PCSK9: variants seen among roughly 807,000 people sequenced by gnomAD.
The protein encoded by PCSK9 is convertase subtilisin/kexin type 9 preproprotein.
Under a neutral mutation model 62.1 loss-of-function variants are expected in PCSK9, and 57 were observed. That is an observed-to-expected ratio of 0.92 (90% confidence interval 0.74 to 1.14). PCSK9 has a LOEUF of 1.14. Ranked by LOEUF, PCSK9 falls within the 50% of genes most tolerant of loss-of-function variation. The pLI, the probability that PCSK9 is intolerant of heterozygous loss-of-function variation, is 0.00. For missense variants in PCSK9, 870 were observed against 959.8 expected (o/e 0.91, Z 1.24); for synonymous variants, 387 against 409.4 (o/e 0.95, Z 0.66).
intron 2 of PCSK9, among the ~76,000 whole-genome samples, chr1:55,046,148 C>T (rs778956646): frequency 6.6e-6 from 1 of 152,182 alleles, no homozygotes; most frequent in Non-Finnish European, 1.5e-5. Context: ...GGGGACAAAC[C>T]GAATTGCCAG....
chr1:55,048,309 CT>C (rs1382435266), intron 3 of PCSK9, among the ~76,000 whole-genome samples: 3 of 152,206 alleles, frequency 2.0e-5, no homozygotes, highest in Admixed American at 6.5e-5. Context: ...CCAGGATGAT[CT>C]CATGTGGGGA....
intron 4 of PCSK9, 41 bp from the exon 5 acceptor site, chr1:55,052,608 AG>A (rs550947073): frequency 2.4e-5 from 38 of 1,609,856 alleles, no homozygotes; most frequent in Admixed American, 1.2e-4. Flanking sequence ...TATAGGGTGG[AG>A]GGGGGGTCTT....
At chr1:55,048,857 G>A (rs1242811945) in intron 3 of PCSK9, among the ~76,000 whole-genome samples, 1 of 152,218 alleles carries the variant, frequency 6.6e-6, no homozygotes, top group Non-Finnish European at 1.5e-5. Context: ...GCATTTCTCT[G>A]TCAGGTATTG....
chr1:55,057,268 G>T, intron 6 of PCSK9, 63 bp from the exon 7 acceptor site: 1 of 1,552,932 alleles, frequency 6.4e-7, no homozygotes. Context: ...CAAGGCCTGA[G>T]TCTGCCTCTG....
chr1:55,042,533 G>A (rs76353589), intron 1 of PCSK9, among the ~76,000 whole-genome samples: 65 of 152,288 alleles, frequency 4.3e-4, no homozygotes, highest in African/African-American at 1.5e-3. Context: ...AAGGCTTTGG[G>A]TAAAGGGGGT....
In PCSK9 at chr1:55,039,905, T is replaced by C; in HGVS notation, c.68T>C (p.Leu23Pro). 6.4e-7 allele frequency: 1 copy of C among 1,566,678 alleles called. No homozygotes were observed. The highest frequency in any genetic ancestry group is 8.6e-7 in the Non-Finnish European group (1 of 1,156,596). Reference protein sequence around the residue: ...LPLLLLLLLLLGPAGARAQED... With the variant: ...LPLLLLLLLLPGPAGARAQED... ...CTGCTGCTGCTGCTGCTGCTGCTCC[T>C]GGGTCCCGCGGGCGCCCGTGCGCAG... Residue 23 changes from leucine (L) to proline (P), a missense_variant, in exon 1 of 12, where the codon CTG becomes CCG. Transcript: ENST00000302118.
intron 3 of PCSK9, 142 bp downstream of exon 3, chr1:55,046,788 C>A: frequency 1.2e-6 from 1 of 864,888 alleles, no homozygotes; most frequent in Non-Finnish European, 1.8e-6. Flanking sequence ...TTTTTTCTGT[C>A]CCATCCCCAT....
chr1:55,059,057 T>C (rs1214526944), intron 9 of PCSK9, among the ~76,000 whole-genome samples: 1 of 152,152 alleles, frequency 6.6e-6, no homozygotes, highest in Non-Finnish European at 1.5e-5. Context: ...GTGGAATTGA[T>C]GTTGATGCTA....
intron 3 of PCSK9, 121 bp from the exon 4 acceptor site, chr1:55,052,157 A>G: frequency 7.4e-7 from 1 of 1,355,828 alleles, no homozygotes; most frequent in Non-Finnish European, 1.0e-6. Flanking sequence ...AGGTTAAACG[A>G]GTGAATATAT....
At chr1:55,056,249 GGAGGGC>G in intron 6 of PCSK9, 60 bp downstream of exon 6, 1 of 1,016,142 alleles carries the variant, frequency 9.8e-7, no homozygotes, top group Non-Finnish European at 1.3e-6. Flanking sequence ...GAGGGCGGAG[GGAGGGC>G]GGGCGGGCAG....
rs1002152564 is a variant in PCSK9, at chr1:55,063,402, A to G, written c.1897A>G (p.Thr633Ala). The G allele has an allele frequency of 6.2e-7, 1 of 1,613,856 alleles. No individual in the cohort carries two copies. The highest frequency in any genetic ancestry group is 8.5e-7 in the Non-Finnish European group (1 of 1,179,936). Residue 633 changes from threonine (T) to alanine (A), a missense_variant, in exon 12 of 12, where the codon ACT (threonine) becomes GCT (alanine). Coordinates refer to ENST00000302118, the MANE Select transcript of PCSK9 (RefSeq NM_174936.4). ...GGCCTGCGAGGAGGGCTGGACCCTG[A>G]CTGGCTGCAGTGCCCTCCCTGGGAC... is the stretch of plus-strand genomic sequence containing the variant. Reference protein sequence around the residue: ...TVACEEGWTLTGCSALPGTSH... With the variant: ...TVACEEGWTLAGCSALPGTSH...
At chr1:55,060,955 G>T (rs1423092383) in intron 10 of PCSK9, among the ~76,000 whole-genome samples, 1 of 152,160 alleles carries the variant, frequency 6.6e-6, no homozygotes, top group Non-Finnish European at 1.5e-5. Context: ...TTAGCCAATG[G>T]GTGTGTCTGA....
intron 6 of PCSK9, among the ~76,000 whole-genome samples, 160 bp downstream of exon 6, chr1:55,056,349 C>A (rs1025978929): frequency 6.6e-6 from 1 of 152,198 alleles, no homozygotes; most frequent in Admixed American, 6.5e-5. Flanking sequence ...TCGTCAGAGA[C>A]CCCCGCCATG....
Position 55,056,401 on chromosome 1 carries a change from CAG to C in PCSK9, c.996+215_996+216del, listed in dbSNP as rs72646511. ...AAGGGGCTCGAAACCTCCATCATCG[CAG>C]AGTCTGAATAGCAGTGGCCCCGCCA... On this transcript the variant is annotated intron_variant, in intron 6 of 11. Transcript: ENST00000302118. Among the ~76,000 whole-genome samples the C allele has an allele frequency of 4.0e-3, 604 of 152,280 alleles. 4 individuals carry two copies. Among genetic ancestry groups the C allele is most frequent in the African/African-American group, 0.014 (583 of 41,566 alleles).
intron 5 of PCSK9, among the ~76,000 whole-genome samples, chr1:55,053,341 C>T (rs12082241): frequency 1.2e-3 from 187 of 152,202 alleles, no homozygotes; most frequent in African/African-American, 4.4e-3. Flanking sequence ...CTCTGGGGGC[C>T]GGTGGACAGA....
intron 10 of PCSK9, 62 bp downstream of exon 10, chr1:55,059,725 C>T: frequency 6.5e-7 from 1 of 1,531,376 alleles, no homozygotes. Context: ...CACCCACTGC[C>T]CGCGAGGCTT....
chr1:55,058,619 G>C lies in PCSK9; in HGVS notation c.1475G>C (p.Ser492Thr), dbSNP rs537114569. The C allele has an allele frequency of 3.7e-6, 6 of 1,611,762 alleles. No homozygotes were observed. The African/African-American group carries it at 8.0e-5, about 22-fold the overall frequency. Residue 492 changes from serine (S) to threonine (T), a missense_variant, in exon 9 of 12, where the codon AGT (serine) becomes ACT (threonine). Ser to Thr is a moderately conservative substitution (Grantham distance 58, BLOSUM62 1). Transcript: ENST00000302118. ...CTGAGCTGCTCCAGTTTCTCCAGGA[G>C]TGGGAAGCGGCGGGGCGAGCGCATG... ...ELLSCSSFSR[S>T]GKRRGERMEA...
At chr1:55,051,530 C>T (rs1478216177) in intron 3 of PCSK9, 1 of 309,130 alleles carries the variant, frequency 3.2e-6, no homozygotes, top group Non-Finnish European at 6.3e-6. Context: ...CATCTGTGAG[C>T]TCTCCCTACT....
chr1:55,056,236 GC>G, intron 6 of PCSK9, 47 bp downstream of exon 6: 2 of 990,444 alleles, frequency 2.0e-6, no homozygotes, highest in South Asian at 3.0e-5. Context: ...GGGGCGGAGG[GC>G]GGAGGGCGGA....
Sources: allele counts gnomAD v4.1 joint callset (sites outside exome capture counted in the v4.1 genomes callset), GRCh38; gene constraint gnomAD v4.1.1; transcripts MANE v1.5; gene names NCBI Gene and HGNC (gene_info 2026-07-23, HGNC 2026-07-21).